Variants in MGMT observed in about 807,000 individuals in gnomAD.
MGMT encodes O-6-methylguanine-DNA methyltransferase.
In MGMT, 14 loss-of-function variants were observed where a neutral mutation model predicts 15.9. The ratio of observed to expected loss-of-function variants is 0.88; its 90% CI spans 0.58 to 1.37. MGMT has a LOEUF of 1.37. Among genes scored for constraint, MGMT ranks in the 40% most tolerant of loss-of-function variants. The pLI, the probability that MGMT is intolerant of heterozygous loss-of-function variation, is 0.00. For missense variants in MGMT, 282 were observed against 268.1 expected, an observed-to-expected ratio of 1.05 and a Z score of -0.36; for synonymous variants, 130 against 118.2, an observed-to-expected ratio of 1.10 and a Z score of -0.65.
At chr10:129,474,255 C>A (rs886886281) in intron 1 of MGMT, among the ~76,000 whole-genome samples, 35 of 152,126 alleles carry the variant, frequency 2.3e-4, no homozygotes, top group African/African-American at 8.2e-4. Flanking sequence ...CCTGTCAGTG[C>A]TTCCCAGAGA....
chr10:129,533,044 G>A lies in MGMT; in HGVS notation c.-12-3197G>A, dbSNP rs1490834809. ...GACTCGAATCGGGAGCAGGTCCCAC[G>A]GAGGCAGAGCAGCCGAGAATCAACG... On this transcript the variant is annotated intron_variant, in intron 1 of 4. Transcript: ENST00000651593. The surrounding 1 kb of genome is among the most constrained non-coding windows in gnomAD (Gnocchi z 4.5). Among the ~76,000 whole-genome samples the A allele has an allele frequency of 9.9e-5, 15 of 152,208 alleles. No homozygotes were observed. Among genetic ancestry groups the A allele is most frequent in the African/African-American group, 3.6e-4 (15 of 41,460 alleles).
At chr10:129,624,917 A>G (rs554792) in intron 2 of MGMT, among the ~76,000 whole-genome samples, 62,335 of 152,088 alleles carry the variant, frequency 0.41, 13,857 homozygotes, top group East Asian at 0.62. Flanking sequence ...GAACAGTAAA[A>G]ATAAGATCAG....
intron 1 of MGMT, among the ~76,000 whole-genome samples, chr10:129,513,362 C>G (rs561955274): frequency 4.7e-4 from 71 of 152,314 alleles, no homozygotes; most frequent in South Asian, 2.9e-3. Flanking sequence ...GAATTACACA[C>G]TTACAAAATA....
intron 2 of MGMT, among the ~76,000 whole-genome samples, chr10:129,654,758 C>CCCCCT (rs1359928691): frequency 6.6e-6 from 1 of 152,058 alleles, no homozygotes; most frequent in Non-Finnish European, 1.5e-5. Flanking sequence ...AGGACAAGGG[C>CCCCCT]CCCCTCCTGC....
intron 3 of MGMT, among the ~76,000 whole-genome samples, chr10:129,715,836 C>T (rs893899417): frequency 1.2e-4 from 19 of 152,294 alleles, no homozygotes; most frequent in East Asian, 5.8e-4. Flanking sequence ...TTCACACATA[C>T]GGTTTTTGCC....
intron 3 of MGMT, among the ~76,000 whole-genome samples, chr10:129,746,069 A>G (rs1372034231): frequency 1.3e-5 from 2 of 151,644 alleles, no homozygotes; most frequent in Non-Finnish European, 2.9e-5. Context: ...CCCTGTCTCT[A>G]CTAAAAAAAT....
intron 2 of MGMT, among the ~76,000 whole-genome samples, chr10:129,552,391 G>C (rs145689743): frequency 6.6e-6 from 1 of 152,238 alleles, no homozygotes; most frequent in African/African-American, 2.4e-5. Context: ...GTGTGCCCCC[G>C]GGCCTGGGCC....
At chr10:129,595,609 C>T (rs892760059) in intron 2 of MGMT, among the ~76,000 whole-genome samples, 7 of 152,080 alleles carry the variant, frequency 4.6e-5, no homozygotes, top group Admixed American at 1.3e-4. Context: ...GTGGGCGCTG[C>T]GATACTCTTC....
In MGMT at chr10:129,631,008, C is replaced by T. The variant is rs77310667; in HGVS notation, c.126-76887C>T. ...ATGAAAAAGGGAAGGAAAAATATCT[C>T]GAAATCCCAAATCTCATCGGTATCA... On this transcript the variant is annotated intron_variant, in intron 2 of 4. Transcript: ENST00000651593. Among the ~76,000 whole-genome samples, 925 of 152,298 alleles carry T rather than the reference C, an allele frequency of 6.1e-3. 9 individuals carry two copies. Among genetic ancestry groups the T allele is most frequent in the African/African-American group, 0.021 (875 of 41,570 alleles).
Position 129,762,668 on chromosome 10 carries a change from C to T in MGMT, c.414+3327C>T, listed in dbSNP as rs575052766. Among the ~76,000 whole-genome samples, 39 of 152,308 alleles carry T rather than the reference C, an allele frequency of 2.6e-4. 1 individual carries two copies. The highest frequency in any genetic ancestry group is 8.4e-4 in the African/African-American group (35 of 41,558). On this transcript the variant is annotated intron_variant, in intron 4 of 4. Transcript: ENST00000651593. Reference sequence around the variant, plus strand: ...AAATGCAGTTCAAAGGCAATCGATACATTGCACAGAGAGTCTCCCCACCTT... The same window carrying T: ...AAATGCAGTTCAAAGGCAATCGATATATTGCACAGAGAGTCTCCCCACCTT...
intron 3 of MGMT, among the ~76,000 whole-genome samples, chr10:129,756,219 A>C (rs1252537829): frequency 6.6e-6 from 1 of 152,198 alleles, no homozygotes; most frequent in Non-Finnish European, 1.5e-5. Context: ...CATGTCCTTC[A>C]GATGCAGAGA....
At chr10:129,600,479 A>C (rs1007919313) in intron 2 of MGMT, among the ~76,000 whole-genome samples, 1 of 152,224 alleles carries the variant, frequency 6.6e-6, no homozygotes, top group Non-Finnish European at 1.5e-5. Flanking sequence ...GAAAACAATT[A>C]AAAAATACAC....
intron 2 of MGMT, among the ~76,000 whole-genome samples, chr10:129,620,075 G>C (rs1460561166): frequency 6.6e-6 from 1 of 152,228 alleles, no homozygotes; most frequent in Non-Finnish European, 1.5e-5. Context: ...TTGGAGGACA[G>C]AGACATTGGA....
chr10:129,616,894 C>T (rs1340929739), intron 2 of MGMT, among the ~76,000 whole-genome samples: 1 of 152,106 alleles, frequency 6.6e-6, no homozygotes. Context: ...CATGGTCACT[C>T]GCTTGACGAG....
intron 2 of MGMT, among the ~76,000 whole-genome samples, chr10:129,572,997 CTG>C (rs1362176633): frequency 6.6e-6 from 1 of 152,144 alleles, no homozygotes; most frequent in East Asian, 1.9e-4. Context: ...TTGCACAAGT[CTG>C]TGTATAATCA....
intron 2 of MGMT, among the ~76,000 whole-genome samples, chr10:129,671,564 T>C (rs1417439576): frequency 6.6e-6 from 1 of 152,190 alleles, no homozygotes; most frequent in Non-Finnish European, 1.5e-5. Flanking sequence ...AAACACAATA[T>C]ATTTACTATC....
intron 1 of MGMT, among the ~76,000 whole-genome samples, chr10:129,534,585 T>C (rs1845966102): frequency 6.6e-6 from 1 of 151,928 alleles, no homozygotes; most frequent in African/African-American, 2.4e-5. Flanking sequence ...CTCTCCTCGT[T>C]CTTGGAAAGA....
At chr10:129,693,512 G>T (rs750993095) in intron 2 of MGMT, among the ~76,000 whole-genome samples, 14 of 152,206 alleles carry the variant, frequency 9.2e-5, no homozygotes, top group Non-Finnish European at 2.1e-4. Context: ...GGCAGGGTTT[G>T]CATGTCCAGG....
intron 1 of MGMT, among the ~76,000 whole-genome samples, chr10:129,529,943 C>T (rs1845912609): frequency 6.6e-6 from 1 of 151,978 alleles, no homozygotes; most frequent in South Asian, 2.1e-4. Flanking sequence ...CTCTGTTACC[C>T]AGGCTGGAGT....
Sources: allele counts gnomAD v4.1 joint callset (sites outside exome capture counted in the v4.1 genomes callset), GRCh38; gene constraint gnomAD v4.1.1; non-coding constraint Gnocchi (gnomAD v3.1); transcripts MANE v1.5; gene names NCBI Gene and HGNC (gene_info 2026-07-23, HGNC 2026-07-21).